The following VEPH1 variants were observed in gnomAD, a reference collection of about 807,000 sequenced individuals.
VEPH1 encodes the protein ventricular zone-expressed PH domain-containing protein homolog 1.
In VEPH1, 80 loss-of-function variants were observed where a neutral mutation model predicts 85.2. The ratio of observed to expected loss-of-function variants is 0.94; its 90% CI spans 0.78 to 1.13. VEPH1 has a LOEUF of 1.13. VEPH1 is among the 50% of genes most tolerant of loss of function. The pLI, the probability that VEPH1 is intolerant of heterozygous loss-of-function variation, is 0.00. For missense variants in VEPH1, 955 were observed against 980.5 expected, an observed-to-expected ratio of 0.97 and a Z score of 0.35; for synonymous variants, 297 against 348.0, an observed-to-expected ratio of 0.85 and a Z score of 1.63.
chr3:157,500,060 T>A (rs1339700473), intron 1 of VEPH1, among the ~76,000 whole-genome samples: 4 of 152,228 alleles, frequency 2.6e-5, no homozygotes, highest in African/African-American at 7.2e-5. Flanking sequence ...ATACGTACTC[T>A]CTTTTTTTCG....
At chr3:157,492,827 G>C (rs1197817636) in intron 2 of VEPH1, among the ~76,000 whole-genome samples, 1 of 152,102 alleles carries the variant, frequency 6.6e-6, no homozygotes, top group Admixed American at 6.6e-5. Context: ...ATAAGAAGAA[G>C]ATTAGAGGTG....
chr3:157,495,961 G>T (rs1039125801), intron 1 of VEPH1, among the ~76,000 whole-genome samples: 1 of 152,190 alleles, frequency 6.6e-6, no homozygotes, highest in African/African-American at 2.4e-5. Flanking sequence ...AGAAACCAGT[G>T]CTTACCTCTT....
At chr3:157,345,229 A>G (rs574041712) in intron 9 of VEPH1, among the ~76,000 whole-genome samples, 47 of 152,352 alleles carry the variant, frequency 3.1e-4, no homozygotes, top group African/African-American at 1.1e-3. Flanking sequence ...CTACCATCAG[A>G]GTGAACAGGC....
At chr3:157,434,177 T>G (rs1159480737) in intron 4 of VEPH1, among the ~76,000 whole-genome samples, 1 of 152,248 alleles carries the variant, frequency 6.6e-6, no homozygotes, top group Admixed American at 6.5e-5. Flanking sequence ...CTAGCTTTTT[T>G]GAATAATACT....
chr3:157,372,708 G>T (rs983760857), intron 7 of VEPH1, among the ~76,000 whole-genome samples: 12 of 151,950 alleles, frequency 7.9e-5, no homozygotes, highest in African/African-American at 2.9e-4. Flanking sequence ...CTGTAGTAAA[G>T]AACTATTTTT....
intron 6 of VEPH1, among the ~76,000 whole-genome samples, chr3:157,387,825 C>T (rs914353472): frequency 3.3e-5 from 5 of 152,150 alleles, no homozygotes; most frequent in South Asian, 4.1e-4. Flanking sequence ...GGGTGGAGCT[C>T]AGGCATAGGA....
At chr3:157,496,963 T>C (rs1191434981) in intron 1 of VEPH1, among the ~76,000 whole-genome samples, 3 of 152,184 alleles carry the variant, frequency 2.0e-5, no homozygotes. Flanking sequence ...TTGTAAATAT[T>C]AATTCATCTA....
intron 9 of VEPH1, among the ~76,000 whole-genome samples, chr3:157,344,779 T>C (rs1232732507): frequency 6.6e-6 from 1 of 152,188 alleles, no homozygotes; most frequent in Non-Finnish European, 1.5e-5. Context: ...CAAACAATAC[T>C]ACACGGCTAC....
chr3:157,428,825 A>G (rs142226701), intron 4 of VEPH1, among the ~76,000 whole-genome samples: 5 of 152,358 alleles, frequency 3.3e-5, no homozygotes, highest in African/African-American at 1.2e-4. Flanking sequence ...ATGATAAACA[A>G]AATTTAAACG....
chr3:157,313,233 C>T (rs1479569741), intron 11 of VEPH1, among the ~76,000 whole-genome samples: 1 of 151,902 alleles, frequency 6.6e-6, no homozygotes, highest in African/African-American at 2.4e-5. Flanking sequence ...GGAGTCTTGC[C>T]ATGATGTTCA....
intron 6 of VEPH1, among the ~76,000 whole-genome samples, chr3:157,388,746 C>T (rs1458165586): frequency 6.6e-6 from 1 of 151,780 alleles, no homozygotes; most frequent in Non-Finnish European, 1.5e-5. Context: ...CAAATAGAAA[C>T]ACAGAATAAC....
chr3:157,417,067 T>G (rs1731976313), intron 5 of VEPH1, among the ~76,000 whole-genome samples: 1 of 150,768 alleles, frequency 6.6e-6, no homozygotes, highest in Non-Finnish European at 1.5e-5. Flanking sequence ...AAACAAAAGT[T>G]GTTTTTTTTT....
intron 4 of VEPH1, among the ~76,000 whole-genome samples, chr3:157,433,030 T>C (rs1400351668): frequency 6.6e-6 from 1 of 152,194 alleles, no homozygotes; most frequent in African/African-American, 2.4e-5. Context: ...ATTTTCAATT[T>C]ATCTGCTGGT....
intron 4 of VEPH1, chr3:157,438,015 T>A (rs1254302123): frequency 1.7e-5 from 23 of 1,352,942 alleles, no homozygotes; most frequent in Non-Finnish European, 2.2e-5. Context: ...GAAGCTTTCA[T>A]GGGAAGCGCG....
chr3:157,462,444 G>A (rs1304582656), intron 3 of VEPH1, among the ~76,000 whole-genome samples: 1 of 152,126 alleles, frequency 6.6e-6, no homozygotes, highest in South Asian at 2.1e-4. Context: ...GAAGGACAAC[G>A]ACACACAGTG....
In VEPH1 at chr3:157,434,805, C is replaced by G. The variant is rs902645309; in HGVS notation, c.530-6317G>C. ...GATCAAGTCTTTCTTTAAAAATTCCCCCTGCACCTTCTATTCGGATGCCTA... is the reference window on the plus strand; with the variant it reads ...GATCAAGTCTTTCTTTAAAAATTCCGCCTGCACCTTCTATTCGGATGCCTA... On this transcript the variant is annotated intron_variant, in intron 4 of 13. Transcript: ENST00000362010. Among the ~76,000 whole-genome samples, 4 of 151,818 alleles carry G rather than the reference C, an allele frequency of 2.6e-5. 1 individual carries two copies. The South Asian group carries it at 8.3e-4, about 32-fold the overall frequency.
intron 11 of VEPH1, among the ~76,000 whole-genome samples, chr3:157,290,549 T>A (rs1174789368): frequency 1.3e-5 from 2 of 152,224 alleles, no homozygotes; most frequent in Non-Finnish European, 2.9e-5. Context: ...ATGAAAGTGA[T>A]GATTCTACTT....
chr3:157,387,965 A>AT (rs1197430740), intron 6 of VEPH1, among the ~76,000 whole-genome samples: 2 of 152,158 alleles, frequency 1.3e-5, no homozygotes, highest in Non-Finnish European at 2.9e-5. Flanking sequence ...TATAATCCAC[A>AT]TTTTTCTCTC....
chr3:157,344,608 A>T (rs1380584566), intron 9 of VEPH1, among the ~76,000 whole-genome samples: 1 of 152,236 alleles, frequency 6.6e-6, no homozygotes, highest in African/African-American at 2.4e-5. Context: ...GCCCAAGGTA[A>T]TTTATAGATC....
Sources: allele counts gnomAD v4.1 joint callset (sites outside exome capture counted in the v4.1 genomes callset), GRCh38; gene constraint gnomAD v4.1.1; transcripts MANE v1.5; gene names NCBI Gene and HGNC (gene_info 2026-07-23, HGNC 2026-07-21).